The following SEPTIN14 variants were observed in gnomAD, a reference collection of about 807,000 sequenced individuals.
The protein encoded by SEPTIN14 is septin-14.
SEPTIN14 carries 40 observed loss-of-function variants against 53.6 expected under a neutral mutation model. The observed-to-expected ratio is 0.75, with a 90% confidence interval of 0.58 to 0.97. The LOEUF (loss-of-function observed/expected upper bound fraction) is 0.97. SEPTIN14 is among the 50% of genes least tolerant of loss of function. The probability of loss-of-function intolerance (pLI) is 0.00; values close to 1 mark genes in which losing one functional copy is unlikely to be tolerated. For synonymous variants in SEPTIN14, 138 were observed against 166.8 expected (o/e 0.83, Z 1.33); for missense variants, 471 against 508.2 (o/e 0.93, Z 0.70).
chr7:55,799,903 T>G (rs1234449835), intron 9 of SEPTIN14, among the ~76,000 whole-genome samples: 3 of 151,676 alleles, frequency 2.0e-5, no homozygotes, highest in African/African-American at 7.3e-5. Flanking sequence ...TAGGCATAGA[T>G]AGATTATTTC....
At chr7:55,807,375 A>T (rs890668341) in intron 7 of SEPTIN14, 117 bp from the exon 8 acceptor site, 1 of 613,252 alleles carries the variant, frequency 1.6e-6, no homozygotes, top group Non-Finnish European at 2.7e-6. Flanking sequence ...ACAACTGAAC[A>T]ATTTGATTAA....
chr7:55,845,773 G>T (rs1395395108), intron 3 of SEPTIN14, among the ~76,000 whole-genome samples: 1 of 151,746 alleles, frequency 6.6e-6, no homozygotes, highest in Non-Finnish European at 1.5e-5. Flanking sequence ...TGCTAGGCCG[G>T]GTGCGGTGGC....
intron 2 of SEPTIN14, among the ~76,000 whole-genome samples, chr7:55,853,179 T>A (rs1025627258): frequency 4.6e-5 from 7 of 152,182 alleles, no homozygotes; most frequent in African/African-American, 1.7e-4. Context: ...CACTGCTAGG[T>A]ATATACCCAA....
At chr7:55,822,413 T>A (rs1224329649) in intron 6 of SEPTIN14, among the ~76,000 whole-genome samples, 1 of 152,150 alleles carries the variant, frequency 6.6e-6, no homozygotes, top group Non-Finnish European at 1.5e-5. Context: ...ACTCCAAAAT[T>A]TATATGAAAA....
At chr7:55,855,164 G>T (rs930910068) in intron 2 of SEPTIN14, among the ~76,000 whole-genome samples, 1 of 151,934 alleles carries the variant, frequency 6.6e-6, no homozygotes, top group Non-Finnish European at 1.5e-5. Context: ...GCCCGCCACC[G>T]TGCCCAGCTA....
intron 5 of SEPTIN14, among the ~76,000 whole-genome samples, chr7:55,841,755 T>C (rs946215179): frequency 1.2e-4 from 18 of 149,942 alleles, no homozygotes; most frequent in Admixed American, 1.1e-3. Context: ...CTCAGAAGGC[T>C]GAGGCAGGAG....
chr7:55,859,113 T>G (rs1025528667), intron 2 of SEPTIN14, among the ~76,000 whole-genome samples: 1 of 151,210 alleles, frequency 6.6e-6, no homozygotes, highest in East Asian at 1.9e-4. Context: ...ATAGCGCCAT[T>G]GCACTCCAGC....
chr7:55,824,185 T>C (rs2116006874), intron 6 of SEPTIN14, among the ~76,000 whole-genome samples: 1 of 152,236 alleles, frequency 6.6e-6, no homozygotes, highest in African/African-American at 2.4e-5. Flanking sequence ...AAAGACACTG[T>C]TAAAGATAAC....
intron 9 of SEPTIN14, among the ~76,000 whole-genome samples, chr7:55,802,479 G>A (rs1392499175): frequency 6.6e-6 from 1 of 152,016 alleles, no homozygotes; most frequent in African/African-American, 2.4e-5. Flanking sequence ...ATATCAGATG[G>A]CCAAGTGGAA....
Position 55,834,476 on chromosome 7 carries a change from A to G in SEPTIN14, c.669T>C (p.Tyr223=). ...CAGTTTCTTCATCTGTTGGGAGCTG[A>G]TATATCTGGATGCCATTGCTAATCA... ...SELISNGIQI[Y]QLPTDEETAA... Residue 223 remains tyrosine, a synonymous_variant, in exon 6 of 10, where the codon TAT becomes TAC. Transcript: ENST00000388975. 1.2e-6 allele frequency: 2 copies of G among 1,613,262 alleles called. No individual in the cohort carries two copies. The highest frequency in any genetic ancestry group is 1.7e-6 in the Non-Finnish European group (2 of 1,179,466).
intron 2 of SEPTIN14, among the ~76,000 whole-genome samples, chr7:55,860,040 A>G (rs572322057): frequency 6.6e-6 from 1 of 152,126 alleles, no homozygotes; most frequent in African/African-American, 2.4e-5. Context: ...TTATCCAGGC[A>G]TGGTGGCGCA....
chr7:55,819,392 A>G (rs1788853354), intron 6 of SEPTIN14, among the ~76,000 whole-genome samples, 169 bp from the exon 7 acceptor site: 1 of 152,156 alleles, frequency 6.6e-6, no homozygotes, highest in Non-Finnish European at 1.5e-5. Context: ...GATCGAGACC[A>G]TCCTGGCTAT....
rs973052984 is a variant in SEPTIN14 at position 55,862,008 on chromosome 7, A to G, written c.-12T>C. On this transcript the variant is annotated 5_prime_UTR_variant, in exon 2 of 10. Coordinates refer to ENST00000388975, the MANE Select transcript of SEPTIN14 (RefSeq NM_207366.3). ...GTTCTTTCTGCCATGCTACACTAAA[A>G]GAGCTGGAAATTTAAAAAAATAAAC... 3.8e-6 allele frequency: 6 copies of G among 1,558,494 alleles called. No individual in the cohort carries two copies. In the African/African-American group the frequency reaches 8.3e-5, roughly 21 times the overall value.
intron 8 of SEPTIN14, among the ~76,000 whole-genome samples, chr7:55,805,903 T>C (rs1788603000): frequency 6.6e-6 from 1 of 152,248 alleles, no homozygotes; most frequent in Non-Finnish European, 1.5e-5. Context: ...CATCATTCAT[T>C]TAAGATAGTT....
At chr7:55,846,983 C>T (rs1001796711) in intron 2 of SEPTIN14, among the ~76,000 whole-genome samples, 25 of 151,992 alleles carry the variant, frequency 1.6e-4, no homozygotes, top group African/African-American at 6.0e-4. Flanking sequence ...GTCAGGAGTT[C>T]GAGACCAGCC....
At chr7:55,830,409 C>T (rs188710801) in intron 6 of SEPTIN14, among the ~76,000 whole-genome samples, 268 of 133,956 alleles carry the variant, frequency 2.0e-3, no homozygotes, top group African/African-American at 6.9e-3. Context: ...TGCAGTGGCG[C>T]GATCTCCGCT....
intron 5 of SEPTIN14, among the ~76,000 whole-genome samples, chr7:55,839,964 G>A (rs949771712): frequency 6.6e-6 from 1 of 151,536 alleles, no homozygotes; most frequent in Non-Finnish European, 1.5e-5. Flanking sequence ...GGCCAACATG[G>A]TGAAACCTTG....
chr7:55,802,821 A>C (rs1374975798), intron 9 of SEPTIN14, among the ~76,000 whole-genome samples: 1 of 152,200 alleles, frequency 6.6e-6, no homozygotes, highest in African/African-American at 2.4e-5. Context: ...AAACTATGAA[A>C]TGTGAGAAAA....
At chr7:55,818,472 C>CAAAAAAAAAAAAAAAAAAAAAAAACAAA (rs61089405) in intron 7 of SEPTIN14, among the ~76,000 whole-genome samples, 1 of 86,302 alleles carries the variant, frequency 1.2e-5, no homozygotes. Context: ...AACTCTGTCT[C>CAAAAAAAAAAAAAAAAAAAAAAAACAAA]AAAAAAAAAA....
Sources: allele counts gnomAD v4.1 joint callset (sites outside exome capture counted in the v4.1 genomes callset), GRCh38; gene constraint gnomAD v4.1.1; transcripts MANE v1.5; gene names NCBI Gene and HGNC (gene_info 2026-07-23, HGNC 2026-07-21).